Variants in IL1RN observed in about 807,000 individuals in gnomAD.
IL1RN encodes the protein interleukin 1 receptor antagonist, also known as interleukin-1 receptor antagonist protein.
Under a neutral mutation model 13.7 loss-of-function variants are expected in IL1RN, and 10 were observed. The ratio of observed to expected loss-of-function variants is 0.73; its 90% CI spans 0.45 to 1.24. The LOEUF (loss-of-function observed/expected upper bound fraction) is 1.24, where lower values mean the gene tolerates loss of function less well. Among genes scored for constraint, IL1RN ranks in the 50% most tolerant of loss-of-function variants. The probability of loss-of-function intolerance (pLI) is 0.00; values close to 1 mark genes in which losing one functional copy is unlikely to be tolerated. For missense variants in IL1RN, 213 were observed against 222.1 expected, an observed-to-expected ratio of 0.96 and a Z score of 0.26; for synonymous variants, 102 against 82.7, an observed-to-expected ratio of 1.23 and a Z score of -1.27.
At chr2:113,120,304 C>G (rs539010814) in intron 2 of IL1RN, among the ~76,000 whole-genome samples, 1 of 152,166 alleles carries the variant, frequency 6.6e-6, no homozygotes, top group East Asian at 1.9e-4. Context: ...GAGTGGCAGA[C>G]TCACTAAGGT....
upstream of IL1RN, chr2:113,117,852 C>A: frequency 1.4e-6 from 1 of 712,076 alleles, no homozygotes; most frequent in South Asian, 1.6e-5. Flanking sequence ...GGAGGGGAGG[C>A]TGGGCTCCTC....
chr2:113,102,843 G>A (rs2104415664), upstream of IL1RN, among the ~76,000 whole-genome samples: 1 of 152,314 alleles, frequency 6.6e-6, no homozygotes, highest in Non-Finnish European at 1.5e-5. Context: ...ATCAGTTAAG[G>A]CAGGAACTGG....
At chr2:113,107,636 G>A (rs1193443045), upstream of IL1RN, among the ~76,000 whole-genome samples, 2 of 152,116 alleles carry the variant, frequency 1.3e-5, no homozygotes, top group African/African-American at 4.8e-5. Context: ...GGGAGGCTGA[G>A]GCAGGAGAAT....
At chr2:113,114,488 T>C (rs1407260309), upstream of IL1RN, among the ~76,000 whole-genome samples, 1 of 152,156 alleles carries the variant, frequency 6.6e-6, no homozygotes, top group Non-Finnish European at 1.5e-5. Context: ...GTTGTGGTGG[T>C]GGCGATGGAG....
chr2:113,123,391 T>C (rs1039908955), upstream of IL1RN, among the ~76,000 whole-genome samples: 5 of 152,108 alleles, frequency 3.3e-5, no homozygotes. Flanking sequence ...TCATGGAACT[T>C]GGTGGGGGAG....
At chr2:113,103,715 G>T (rs1028096692), upstream of IL1RN, among the ~76,000 whole-genome samples, 2 of 152,114 alleles carry the variant, frequency 1.3e-5, no homozygotes, top group South Asian at 2.1e-4. Context: ...TACAAGAAGG[G>T]TTGTGTTATC....
At chr2:113,121,137 C>CG (rs1220087028) in intron 2 of IL1RN, among the ~76,000 whole-genome samples, 1 of 38,770 alleles carries the variant, frequency 2.6e-5, no homozygotes, top group Non-Finnish European at 9.5e-5. Flanking sequence ...TATTCTTCTT[C>CG]ATCGTCTTCG....
chr2:113,124,984 G>C (rs1020653013), upstream of IL1RN, among the ~76,000 whole-genome samples: 1 of 152,202 alleles, frequency 6.6e-6, no homozygotes, highest in African/African-American at 2.4e-5. Flanking sequence ...ATTTACCCAG[G>C]AGCCGCAGTG....
upstream of IL1RN, among the ~76,000 whole-genome samples, chr2:113,108,680 G>A (rs1686424084): frequency 6.6e-6 from 1 of 152,134 alleles, no homozygotes; most frequent in Admixed American, 6.5e-5. Flanking sequence ...TGCGGGTGGT[G>A]GAGTAGGGGC....
intron 2 of IL1RN, among the ~76,000 whole-genome samples, chr2:113,122,214 C>T (rs1449837715): frequency 6.6e-6 from 1 of 152,096 alleles, no homozygotes; most frequent in Admixed American, 6.5e-5. Flanking sequence ...TTCCAGGAGG[C>T]CCAAATGAAA....
intron 2 of IL1RN, among the ~76,000 whole-genome samples, chr2:113,122,358 G>A (rs1401315820): frequency 6.6e-6 from 1 of 152,166 alleles, no homozygotes; most frequent in Non-Finnish European, 1.5e-5. Context: ...GCTGAGAAAT[G>A]TGGAGACAAT....
chr2:113,099,793 G>GGT, the IL1RN span, among the ~76,000 whole-genome samples: 4 of 130,862 alleles, frequency 3.1e-5, no homozygotes, highest in Admixed American at 8.2e-5. Flanking sequence ...GGAGTGCAGT[G>GGT]GCGGGATCTC....
At chr2:113,105,813 A>G (rs148702675), upstream of IL1RN, among the ~76,000 whole-genome samples, 21 of 152,356 alleles carry the variant, frequency 1.4e-4, no homozygotes, top group African/African-American at 3.8e-4. Context: ...ATTTTTAACT[A>G]TGTTGAAATA....
chr2:113,117,734 G>T, upstream of IL1RN: 1 of 574,748 alleles, frequency 1.7e-6, no homozygotes, highest in Non-Finnish European at 3.1e-6. Flanking sequence ...GAACCAGTTT[G>T]GTTTCTGCTA....
upstream of IL1RN, among the ~76,000 whole-genome samples, chr2:113,116,533 C>T (rs1318627449): frequency 6.6e-6 from 1 of 152,102 alleles, no homozygotes; most frequent in East Asian, 1.9e-4. Flanking sequence ...GGCTCCCTGC[C>T]CCTCCCACCC....
At chr2:113,130,908 G>A (rs1687143640) in intron 2 of IL1RN, 137 bp from the exon 3 acceptor site, 1 of 698,920 alleles carries the variant, frequency 1.4e-6, no homozygotes, top group South Asian at 1.5e-5. Flanking sequence ...AGACCAGGAA[G>A]ATGAGACCTC....
upstream of IL1RN, among the ~76,000 whole-genome samples, chr2:113,110,350 G>T (rs1240141940): frequency 6.6e-6 from 1 of 152,096 alleles, no homozygotes; most frequent in African/African-American, 2.4e-5. Context: ...TCTGTGCTGT[G>T]GGCTTGCTAT....
At chr2:113,131,008 T>G (rs769213394) in intron 2 of IL1RN, 37 bp from the exon 3 acceptor site, 2 of 1,302,296 alleles carry the variant, frequency 1.5e-6, no homozygotes, top group Non-Finnish European at 2.2e-6. Context: ...CTGCTTCCTC[T>G]TCTATTAACC....
upstream of IL1RN, among the ~76,000 whole-genome samples, chr2:113,113,995 T>G (rs996308704): frequency 1.3e-5 from 2 of 152,230 alleles, no homozygotes; most frequent in African/African-American, 4.8e-5. Context: ...GGTTGCTTGT[T>G]GGCTCTTGTG....
Sources: gnomAD v4.1 joint callset for allele counts (sites outside exome capture counted in the v4.1 genomes callset) on GRCh38, gnomAD v4.1.1 for gene constraint, MANE v1.5 for transcripts, NCBI Gene and HGNC (gene_info 2026-07-23, HGNC 2026-07-21) for gene names.